Variants in SHFL observed in about 807,000 individuals in gnomAD.
The protein encoded by SHFL is shiftless antiviral inhibitor of ribosomal frameshifting protein.
Under a neutral mutation model 34.7 loss-of-function variants are expected in SHFL, and 12 were observed. That is an observed-to-expected ratio of 0.35 (90% CI 0.22 to 0.56). SHFL has a LOEUF of 0.56. Among genes scored for constraint, SHFL ranks in the 20% least tolerant of loss-of-function variants. The pLI is 0.88. For missense variants in SHFL, 278 were observed against 411.1 expected (o/e 0.68, Z 2.80); for synonymous variants, 148 against 156.0 (o/e 0.95, Z 0.38).
Position 10,091,607 on chromosome 19 carries a change from C to G in SHFL, c.620C>G (p.Ala207Gly), listed in dbSNP as rs1359146542. ...RRSTHTHSCS[A>G]ADCYNRREPH... ...AGCACCCACACTCACTCCTGCTCAGCTGCCGACTGCTACAACCGGCGAGGT... is the reference window on the plus strand; with the variant it reads ...AGCACCCACACTCACTCCTGCTCAGGTGCCGACTGCTACAACCGGCGAGGT... The change falls in exon 7 of 8, where the codon GCT becomes GGT. Residue 207 changes from alanine (A) to glycine (G), a missense_variant. Coordinates refer to ENST00000253110, the MANE Select transcript of SHFL (RefSeq NM_018381.4). This position sits in a 1 kb window ranked among gnomAD's most constrained non-coding sequence, Gnocchi z 8.2. The G allele has an allele frequency of 6.4e-7, 1 of 1,551,724 alleles. No homozygotes were observed. Among genetic ancestry groups the G allele is most frequent in the African/African-American group, 1.4e-5 (1 of 73,194 alleles).
In SHFL at chr19:10,090,039, C is replaced by A. The variant is rs754267270; in HGVS notation, c.376C>A (p.Arg126=). Reference sequence around the variant, plus strand: ...CGTCTGGTGGCGCCGCGTGCCCCAGCGGAAGGAGGTGATGACCTAAAACTT... The same window carrying A: ...CGTCTGGTGGCGCCGCGTGCCCCAGAGGAAGGAGGTGATGACCTAAAACTT... ...DHVWWRRVPQ[R]KEVSRCRKCR... The change falls in exon 5 of 8, where the codon CGG becomes AGG. Residue 126 remains arginine, a synonymous_variant. Transcript: ENST00000253110. The A allele has an allele frequency of 1.9e-5, 31 of 1,601,286 alleles. No homozygotes were observed. The South Asian group carries it at 3.5e-4, about 18-fold the overall frequency.
Position 10,092,575 on chromosome 19 carries a change from A to C in SHFL, c.*273A>C. On this transcript the variant is annotated 3_prime_UTR_variant, in exon 8 of 8. Coordinates refer to ENST00000253110, the MANE Select transcript of SHFL (RefSeq NM_018381.4). ...CAATGTCCTCTAGGGCCTAGGGGAC[A>C]GAGGAACACAGAGTCACAGCTTCAG... 3 of 1,592,908 alleles carry C rather than the reference A, an allele frequency of 1.9e-6. No homozygotes were observed. The highest frequency in any genetic ancestry group is 2.6e-6 in the Non-Finnish European group (3 of 1,165,764).
intron 3 of SHFL, chr19:10,087,532 A>C (rs1434181256): frequency 1.7e-6 from 1 of 584,844 alleles, no homozygotes; most frequent in East Asian, 2.9e-5. Flanking sequence ...TGGGGGAGAG[A>C]GCCATGAAAC....
chr19:10,092,364 T>C lies in SHFL; in HGVS notation c.*62T>C. 3 of 1,539,926 alleles carry C rather than the reference T, an allele frequency of 1.9e-6. No individual in the cohort carries two copies. The highest frequency in any genetic ancestry group is 1.7e-6 in the Non-Finnish European group (2 of 1,145,310). ...GTGGCTACTTTGTGTTATTATAAGA[T>C]ATGAGCTCAAACCGAGATATGAATG... On this transcript the variant is annotated 3_prime_UTR_variant, in exon 8 of 8. Transcript: ENST00000253110.
Position 10,091,742 on chromosome 19 carries a change from C to T in SHFL, c.643+112C>T. 2 of 1,364,906 alleles carry T rather than the reference C, an allele frequency of 1.5e-6. No homozygotes were observed. Among genetic ancestry groups the T allele is most frequent in the South Asian group, 1.5e-5 (1 of 67,540 alleles). The allele number at this position is 1,364,906 out of a possible 1,614,324, so 84.5% of individuals were successfully genotyped here. On this transcript the variant is annotated intron_variant, in intron 7 of 7. Coordinates refer to ENST00000253110, the MANE Select transcript of SHFL (RefSeq NM_018381.4). The surrounding 1 kb of genome is among the most constrained non-coding windows in gnomAD (Gnocchi z 8.2). Reference sequence around the variant, plus strand: ...TCTCCCACAGCAGCAGCCACTGCTTCCACATGGCCTCCATGACCCCCCAGT... The same window carrying T: ...TCTCCCACAGCAGCAGCCACTGCTTTCACATGGCCTCCATGACCCCCCAGT...
Position 10,092,443 on chromosome 19 carries a change from C to T in SHFL, c.*141C>T. On this transcript the variant is annotated 3_prime_UTR_variant, in exon 8 of 8. Transcript: ENST00000253110. ...ATTGACGGGGGGGATTCCTGGGTCC[C>T]ATTTTCAGCGCCCAGGGTCACAGAT... is the stretch of plus-strand genomic sequence containing the variant. 1 of 1,518,738 alleles carries T rather than the reference C, an allele frequency of 6.6e-7. No homozygotes were observed. The highest frequency in any genetic ancestry group is 8.8e-7 in the Non-Finnish European group (1 of 1,130,050). 94.1% of individuals were successfully genotyped at this position (1,518,738 alleles called of 1,614,324 possible).
intron 3 of SHFL, chr19:10,087,649 G>A (rs2088309270): frequency 3.6e-6 from 1 of 281,654 alleles, no homozygotes; most frequent in Non-Finnish European, 6.7e-6. Context: ...GGGGAGGAGT[G>A]AGCCCTGGGA....
intron 5 of SHFL, chr19:10,090,351 G>A (rs1204796407): frequency 2.8e-6 from 1 of 351,336 alleles, no homozygotes; most frequent in Non-Finnish European, 5.3e-6. Context: ...CAATCTCAGT[G>A]TTTTGGGAGG....
rs1034606553 is a variant in SHFL at position 10,086,806 on chromosome 19, G to A, written c.22-123G>A. The A allele has an allele frequency of 5.0e-6, 6 of 1,189,536 alleles. No homozygotes were observed. Among genetic ancestry groups the A allele is most frequent in the Non-Finnish European group, 7.1e-6 (6 of 850,990 alleles). 73.7% of individuals were successfully genotyped at this position (1,189,536 alleles called of 1,614,324 possible). A position where few individuals can be genotyped will look rare whatever the true frequency, so the allele number is the denominator to read the frequency against. On this transcript the variant is annotated intron_variant, in intron 1 of 7. Transcript: ENST00000253110. The surrounding 1 kb of genome is among the most constrained non-coding windows in gnomAD (Gnocchi z 5.2). The stretch of plus-strand genomic sequence containing the variant: ...AATGCCGTAAAGGGATGAAAGGCGG[G>A]GGGGGGGCGGCGGAGGCCAAAACCA...
Position 10,091,198 on chromosome 19 carries a change from C to T in SHFL, c.385-52C>T, listed in dbSNP as rs1290768829. ...CTAGCCCTGACCCCAACCTCAGACA[C>T]CTCTGACAATCCTTGGTCCCCTCTC... is the stretch of plus-strand genomic sequence containing the variant. On this transcript the variant is annotated intron_variant, in intron 5 of 7. Transcript: ENST00000253110. The surrounding 1 kb of genome is among the most constrained non-coding windows in gnomAD (Gnocchi z 8.2). 1 of 1,532,028 alleles carries T rather than the reference C, an allele frequency of 6.5e-7. No individual in the cohort carries two copies. The highest frequency in any genetic ancestry group is 2.3e-5 in the East Asian group (1 of 43,522). The allele number at this position is 1,532,028 out of a possible 1,614,324, so 94.9% of individuals were successfully genotyped here.
chr19:10,090,688 C>T (rs917890825), intron 5 of SHFL, among the ~76,000 whole-genome samples: 1 of 151,908 alleles, frequency 6.6e-6, no homozygotes, highest in Admixed American at 6.6e-5. Flanking sequence ...AGCAATCTAC[C>T]ACCTCAGCCT....
chr19:10,087,922 C>A (rs886351665), intron 3 of SHFL: 1 of 158,762 alleles, frequency 6.3e-6, no homozygotes, highest in East Asian at 1.9e-4. Context: ...GTGATGGGAA[C>A]GCTGTGGATT....
chr19:10,086,944 C>T lies in SHFL; in HGVS notation c.37C>T (p.Arg13Trp). ...TCCATCCCAGCTGGAGAAGAGCGTC[C>T]GGCGCCTCCGGGAGAAGTTTCATGG... ...QEGVELEKSV[R>W]RLREKFHGKV... The change falls in exon 2 of 8, where the codon CGG (arginine) becomes TGG (tryptophan). Residue 13 changes from arginine (R) to tryptophan (W), a missense_variant. Physicochemically the swap from Arg to Trp is moderately radical, Grantham distance 101 (BLOSUM62 -3). Around this residue, in one of 2 missense-constraint regions of SHFL, gnomAD observed 243 missense variants for 386.2 expected, o/e 0.63. Transcript: ENST00000253110. This position sits in a 1 kb window ranked among gnomAD's most constrained non-coding sequence, Gnocchi z 5.2. 1 of 1,613,676 alleles carries T rather than the reference C, an allele frequency of 6.2e-7. No homozygotes were observed.
Position 10,089,930 on chromosome 19 carries a change from A to G in SHFL, c.267A>G (p.Glu89=), listed in dbSNP as rs1404677345. The change falls in exon 5 of 8, where the codon GAA becomes GAG. Residue 89 remains glutamate, a synonymous_variant. Transcript: ENST00000253110. ...CGACCTCCCTCCTGCCACTGACAGAAGCCAACCTACGCATGTTTCAACGTG... is the reference window on the plus strand; with the variant it reads ...CGACCTCCCTCCTGCCACTGACAGAGGCCAACCTACGCATGTTTCAACGTG... The part of the protein sequence containing the change: ...AVATSLLPLT[E]ANLRMFQRAQ... The G allele has an allele frequency of 5.0e-6, 8 of 1,612,322 alleles. No individual in the cohort carries two copies. The highest frequency in any genetic ancestry group is 6.8e-6 in the Non-Finnish European group (8 of 1,179,360).
In SHFL at chr19:10,086,694, G is replaced by A. The variant is rs2088289912; in HGVS notation, c.22-235G>A. On this transcript the variant is annotated intron_variant, in intron 1 of 7. Transcript: ENST00000253110. The surrounding 1 kb of genome is among the most constrained non-coding windows in gnomAD (Gnocchi z 5.2). ...AAGGTCAGAGGCCAGAGATAACCTG[G>A]CCGCCCCCCCACACCTTAGGCTGGG... 1 of 599,732 alleles carries A rather than the reference G, an allele frequency of 1.7e-6. No individual in the cohort carries two copies. The highest frequency in any genetic ancestry group is 3.1e-5 in the Admixed American group (1 of 32,196). 37.2% of individuals were successfully genotyped at this position (599,732 alleles called of 1,614,324 possible).
intron 3 of SHFL, chr19:10,089,324 TCAAAGGGGCGATATGTCA>T: frequency 6.3e-7 from 1 of 1,598,410 alleles, no homozygotes; most frequent in Non-Finnish European, 8.5e-7. Context: ...CAACGTGGCC[TCAAAGGGGCGATATGTCA>T]CAACATCAAC....
chr19:10,089,906 G>A lies in SHFL; in HGVS notation c.243G>A (p.Ala81=), dbSNP rs763127299. Residue 81 remains alanine (A), a synonymous_variant, in exon 5 of 8, where the codon GCG becomes GCA. Transcript: ENST00000253110. The stretch of plus-strand genomic sequence containing the variant: ...CCTGCCCCATTCCACAGGCAGTGGC[G>A]ACCTCCCTCCTGCCACTGACAGAAG... ...MKQDRDIQAV[A]TSLLPLTEAN... 1.6e-5 allele frequency: 25 copies of A among 1,611,006 alleles called. No homozygotes were observed. The highest frequency in any genetic ancestry group is 1.6e-4 in the Middle Eastern group (1 of 6,082).
At position 10,091,765 on chromosome 19, in the gene SHFL, A is replaced by C; in HGVS notation, c.643+135A>C. On this transcript the variant is annotated intron_variant, in intron 7 of 7. Coordinates refer to ENST00000253110, the MANE Select transcript of SHFL (RefSeq NM_018381.4). This position sits in a 1 kb window ranked among gnomAD's most constrained non-coding sequence, Gnocchi z 8.2. ...TTCCACATGGCCTCCATGACCCCCC[A>C]GTCTCCGTGGTCTTGCCCAGGAGGC... 8.0e-7 allele frequency: 1 copy of C among 1,252,398 alleles called. No individual in the cohort carries two copies. Among genetic ancestry groups the C allele is most frequent in the South Asian group, 1.6e-5 (1 of 63,192 alleles). 77.6% of individuals were successfully genotyped at this position (1,252,398 alleles called of 1,614,324 possible). A position where few individuals can be genotyped will look rare whatever the true frequency, so the allele number is the denominator to read the frequency against.
intron 3 of SHFL, 65 bp from the exon 4 acceptor site, chr19:10,089,592 C>T (rs2088346040): frequency 6.4e-7 from 1 of 1,553,712 alleles, no homozygotes; most frequent in South Asian, 1.2e-5. Flanking sequence ...GGGCCTCCCC[C>T]AGCAAACGGG....
Sources: gnomAD v4.1 joint callset for allele counts (sites outside exome capture counted in the v4.1 genomes callset) on GRCh38, gnomAD v4.1.1 for gene constraint, gnomAD v4.1.1 regional missense constraint, Gnocchi (gnomAD v3.1) non-coding constraint, MANE v1.5 for transcripts, NCBI Gene and HGNC (gene_info 2026-07-23, HGNC 2026-07-21) for gene names.